Variants in LYPD6B observed in about 807,000 individuals in gnomAD.
The protein encoded by LYPD6B is LY6/PLAUR domain containing 6B.
In LYPD6B, 17 loss-of-function variants were observed where a neutral mutation model predicts 22.8. The ratio of observed to expected loss-of-function variants is 0.75; its 90% confidence interval spans 0.51 to 1.12. The LOEUF is 1.12. Among genes scored for constraint, LYPD6B ranks in the 50% most tolerant of loss-of-function variants. The pLI, the probability that LYPD6B is intolerant of heterozygous loss-of-function variation, is 0.00. For missense variants in LYPD6B, 221 were observed against 258.3 expected, an observed-to-expected ratio of 0.86 and a Z score of 0.99; for synonymous variants, 106 against 91.6, an observed-to-expected ratio of 1.16 and a Z score of -0.90.
chr2:149,208,737 A>G (rs1442599581), intron 5 of LYPD6B, among the ~76,000 whole-genome samples: 1 of 152,254 alleles, frequency 6.6e-6, no homozygotes, highest in Non-Finnish European at 1.5e-5. Flanking sequence ...CTCTTGAGAT[A>G]CATTGATATT....
chr2:149,106,364 C>T (rs1178849155), intron 1 of LYPD6B, among the ~76,000 whole-genome samples: 1 of 151,948 alleles, frequency 6.6e-6, no homozygotes, highest in Non-Finnish European at 1.5e-5. Context: ...TTATTTCTTC[C>T]TTACATTTGG....
intron 3 of LYPD6B, among the ~76,000 whole-genome samples, chr2:149,174,355 C>T (rs1341139890): frequency 1.3e-5 from 2 of 152,196 alleles, no homozygotes; most frequent in Non-Finnish European, 2.9e-5. Context: ...ATCCTCCCTT[C>T]CTATTTGAAT....
chr2:149,113,795 C>T (rs1686871879), intron 1 of LYPD6B, among the ~76,000 whole-genome samples: 3 of 152,112 alleles, frequency 2.0e-5, no homozygotes, highest in East Asian at 1.9e-4. Flanking sequence ...TTCTGACTAC[C>T]ACAAAAACTG....
At chr2:149,178,289 A>G (rs1235055965) in intron 3 of LYPD6B, among the ~76,000 whole-genome samples, 3 of 152,336 alleles carry the variant, frequency 2.0e-5, no homozygotes, top group South Asian at 2.1e-4. Context: ...TCGCCATCCA[A>G]TAATGTCAGG....
intron 1 of LYPD6B, among the ~76,000 whole-genome samples, chr2:149,050,994 G>A (rs1050878440): frequency 1.1e-4 from 16 of 151,168 alleles, no homozygotes; most frequent in African/African-American, 3.4e-4. Flanking sequence ...AAATAGTCAC[G>A]GTTTGCATTT....
Position 149,074,750 on chromosome 2 carries a change from A to C in LYPD6B, c.-67+35949A>C, listed in dbSNP as rs1684802731. On this transcript the variant is annotated intron_variant, in intron 1 of 6. Coordinates refer to ENST00000409642, the MANE Select transcript of LYPD6B (RefSeq NM_177964.5). ...ACTTACTTTCCTGGGAAAAGGATTA[A>C]TTTGAGTTAACATTTATTGAGCTTC... 2.0e-5 allele frequency among the ~76,000 whole-genome samples: 3 copies of C among 152,348 alleles called. No homozygotes were observed. The South Asian group carries it at 6.2e-4, about 32-fold the overall frequency.
At chr2:149,105,386 A>G (rs1686423338) in intron 1 of LYPD6B, among the ~76,000 whole-genome samples, 1 of 152,178 alleles carries the variant, frequency 6.6e-6, no homozygotes. Flanking sequence ...GGTGTATATA[A>G]TGATTAAGGG....
intron 1 of LYPD6B, among the ~76,000 whole-genome samples, chr2:149,061,306 T>G (rs1684069023): frequency 6.6e-6 from 1 of 152,056 alleles, no homozygotes; most frequent in Admixed American, 6.6e-5. Flanking sequence ...CAGCGATCCT[T>G]GCAGTGCATT....
chr2:149,162,559 C>T (rs761184876), intron 3 of LYPD6B, among the ~76,000 whole-genome samples: 3 of 152,136 alleles, frequency 2.0e-5, no homozygotes, highest in Non-Finnish European at 2.9e-5. Flanking sequence ...GACACTCTAG[C>T]TATCTCTTCT....
chr2:149,151,184 C>A (rs993876222), intron 2 of LYPD6B, among the ~76,000 whole-genome samples: 4 of 152,094 alleles, frequency 2.6e-5, no homozygotes, highest in African/African-American at 9.7e-5. Flanking sequence ...GGGTGGGGCT[C>A]TCCTGTAGGC....
At chr2:149,060,039 G>T (rs1289280495) in intron 1 of LYPD6B, among the ~76,000 whole-genome samples, 3 of 152,078 alleles carry the variant, frequency 2.0e-5, no homozygotes, top group Non-Finnish European at 2.9e-5. Context: ...AGGAGGAGGA[G>T]GGGGCAGGAG....
chr2:149,065,879 T>C (rs1300586169), intron 1 of LYPD6B, among the ~76,000 whole-genome samples: 1 of 152,124 alleles, frequency 6.6e-6, no homozygotes, highest in Non-Finnish European at 1.5e-5. Flanking sequence ...TGGCCCTTTT[T>C]TTTTGTATTT....
rs1685908303 is a variant in LYPD6B, at chr2:149,096,460, A to G, written c.-66-34423A>G. Among the ~76,000 whole-genome samples, 6 of 152,180 alleles carry G rather than the reference A, an allele frequency of 3.9e-5. No homozygotes were observed. In the South Asian group the frequency reaches 1.2e-3, roughly 31 times the overall value. On this transcript the variant is annotated intron_variant, in intron 1 of 6. Coordinates refer to ENST00000409642, the MANE Select transcript of LYPD6B (RefSeq NM_177964.5). The stretch of plus-strand genomic sequence containing the variant: ...CATTTGAGAGACAAGTAGCAAATAT[A>G]CCCTATGGGTTAAATTTCTTTAGTT...
intron 1 of LYPD6B, chr2:149,101,327 C>T (rs1249041184): frequency 6.6e-6 from 1 of 152,200 alleles, no homozygotes; most frequent in East Asian, 1.9e-4. Context: ...CAGTAGAATC[C>T]CCTTCTGCAT....
intron 1 of LYPD6B, among the ~76,000 whole-genome samples, chr2:149,112,164 G>T (rs1686788418): frequency 6.6e-6 from 1 of 152,166 alleles, no homozygotes; most frequent in African/African-American, 2.4e-5. Flanking sequence ...ACACAAAAAT[G>T]GGTTGTAAGG....
intron 2 of LYPD6B, among the ~76,000 whole-genome samples, chr2:149,159,075 A>G (rs1008022319): frequency 1.3e-5 from 2 of 152,154 alleles, no homozygotes; most frequent in Non-Finnish European, 2.9e-5. Context: ...TCCTTGCCAG[A>G]TCACTTTAGT....
At chr2:149,093,141 G>C (rs1366929379) in intron 1 of LYPD6B, among the ~76,000 whole-genome samples, 4 of 152,336 alleles carry the variant, frequency 2.6e-5, no homozygotes, top group Admixed American at 2.0e-4. Context: ...AGGGCAGGGA[G>C]CAGAGGAAGA....
intron 2 of LYPD6B, among the ~76,000 whole-genome samples, chr2:149,136,625 C>A (rs1317327272): frequency 6.6e-6 from 1 of 152,130 alleles, no homozygotes; most frequent in Non-Finnish European, 1.5e-5. Context: ...GAAAAACACC[C>A]AATAGAAAAC....
At chr2:149,196,459 A>C (rs1362229865) in intron 3 of LYPD6B, among the ~76,000 whole-genome samples, 3 of 152,224 alleles carry the variant, frequency 2.0e-5, no homozygotes, top group Non-Finnish European at 2.9e-5. Flanking sequence ...ATTCAAGAAT[A>C]AAGTTGAGTG....
Sources: gnomAD v4.1 joint callset for allele counts (sites outside exome capture counted in the v4.1 genomes callset) on GRCh38, gnomAD v4.1.1 for gene constraint, MANE v1.5 for transcripts, NCBI Gene and HGNC (gene_info 2026-07-23, HGNC 2026-07-21) for gene names.